Variants in AGFG2 observed in about 807,000 individuals in gnomAD.
The protein encoded by AGFG2 is arf-GAP domain and FG repeat-containing protein 2.
AGFG2 carries 31 observed loss-of-function variants against 48.0 expected under a neutral mutation model. The ratio of observed to expected loss-of-function variants is 0.65; its 90% CI spans 0.49 to 0.87. AGFG2 has a LOEUF of 0.87. Among genes scored for constraint, AGFG2 ranks in the 40% least tolerant of loss-of-function variants. The pLI is 0.00. For synonymous variants in AGFG2, 229 were observed against 260.8 expected (o/e 0.88, Z 1.18); for missense variants, 599 against 632.6 (o/e 0.95, Z 0.57).
intron 1 of AGFG2, 102 bp from the exon 2 acceptor site, chr7:100,548,720 A>C: frequency 1.2e-6 from 1 of 803,920 alleles, no homozygotes; most frequent in Non-Finnish European, 2.1e-6. Flanking sequence ...CTTAGTTTAT[A>C]TGCTATTCTT....
chr7:100,561,509 G>C (rs568927641), intron 6 of AGFG2, among the ~76,000 whole-genome samples: 1 of 152,350 alleles, frequency 6.6e-6, no homozygotes, highest in East Asian at 1.9e-4. Context: ...ATAGAGACGA[G>C]ACTTTGATGT....
chr7:100,548,944 A>T (rs1410469474), intron 2 of AGFG2, 29 bp downstream of exon 2: 1 of 1,575,772 alleles, frequency 6.3e-7, no homozygotes. Flanking sequence ...AGTGGTGAGA[A>T]GGTCACCTAT....
chr7:100,550,223 C>T (rs923106452), intron 2 of AGFG2, among the ~76,000 whole-genome samples, 173 bp from the exon 3 acceptor site: 1 of 145,268 alleles, frequency 6.9e-6, no homozygotes, highest in African/African-American at 2.6e-5. Context: ...AGGAGAATTG[C>T]TTGAACCCCG....
chr7:100,551,650 G>A (rs893595302), intron 3 of AGFG2, among the ~76,000 whole-genome samples: 1 of 151,558 alleles, frequency 6.6e-6, no homozygotes. Flanking sequence ...TTGGGAGGCT[G>A]AGGTGGGCAG....
chr7:100,563,912 T>A lies in AGFG2; in HGVS notation c.1250T>A (p.Phe417Tyr). The A allele has an allele frequency of 6.2e-7, 1 of 1,609,670 alleles. No homozygotes were observed. The highest frequency in any genetic ancestry group is 8.5e-7 in the Non-Finnish European group (1 of 1,179,984). ...VPPTGAFASS[F>Y]PAPLFPPQTP... ...CCCACTGGGGCCTTTGCCAGCTCCTTCCCAGCACCGCTGTTCCCCCCGCAG... is the reference window on the plus strand; with the variant it reads ...CCCACTGGGGCCTTTGCCAGCTCCTACCCAGCACCGCTGTTCCCCCCGCAG... Residue 417 changes from phenylalanine to tyrosine, a missense_variant, in exon 10 of 12, where the codon TTC (phenylalanine) becomes TAC (tyrosine). Transcript: ENST00000300176.
intron 1 of AGFG2, among the ~76,000 whole-genome samples, chr7:100,547,947 T>C (rs547108987): frequency 8.5e-4 from 130 of 152,352 alleles, no homozygotes; most frequent in South Asian, 3.7e-3. Context: ...CCAGCTGGGC[T>C]AGAGACTGTT....
intron 1 of AGFG2, among the ~76,000 whole-genome samples, chr7:100,541,649 G>C (rs1800423470): frequency 6.6e-6 from 1 of 151,828 alleles, no homozygotes. Flanking sequence ...TGTAATCCCA[G>C]CTACTTAGGA....
chr7:100,554,232 C>A lies in AGFG2; in HGVS notation c.725C>A (p.Ala242Asp). 6.2e-7 allele frequency: 1 copy of A among 1,613,726 alleles called. No individual in the cohort carries two copies. Among genetic ancestry groups the A allele is most frequent in the Non-Finnish European group, 8.5e-7 (1 of 1,179,780 alleles). ...DPFAAPQMAP[A>D]FAAFPAFGGQ... ...TTTGCTGCACCCCAGATGGCACCAG[C>A]TTTTGCTGCATTCCCTGCCTTTGGG... The change falls in exon 5 of 12, where the codon GCT becomes GAT. Residue 242 changes from alanine to aspartate, a missense_variant. Coordinates refer to ENST00000300176, the MANE Select transcript of AGFG2 (RefSeq NM_006076.5).
At chr7:100,555,124 C>T (rs1800730350) in intron 5 of AGFG2, among the ~76,000 whole-genome samples, 1 of 152,052 alleles carries the variant, frequency 6.6e-6, no homozygotes, top group South Asian at 2.1e-4. Flanking sequence ...TGGCCCCAGG[C>T]CCCACCCATT....
intron 6 of AGFG2, among the ~76,000 whole-genome samples, chr7:100,561,462 A>G (rs758169823): frequency 6.6e-6 from 1 of 152,158 alleles, no homozygotes; most frequent in Non-Finnish European, 1.5e-5. Flanking sequence ...CTCCTTTTAC[A>G]TTCACAGCAG....
rs748666008 is a variant in AGFG2, at chr7:100,563,888, C to T, written c.1226C>T (p.Pro409Leu). 7 of 1,610,660 alleles carry T rather than the reference C, an allele frequency of 4.3e-6. No homozygotes were observed. In the East Asian group the frequency reaches 1.3e-4, roughly 31 times the overall value. Residue 409 changes from proline (P) to leucine (L), a missense_variant, in exon 10 of 12, where the codon CCC (proline) becomes CTC (leucine). Coordinates refer to ENST00000300176, the MANE Select transcript of AGFG2 (RefSeq NM_006076.5). ...AGPGFPQAVP[P>L]TGAFASSFPA... ...CCTGGCTTCCCCCAGGCAGTGCCAC[C>T]CACTGGGGCCTTTGCCAGCTCCTTC... is the stretch of plus-strand genomic sequence containing the variant.
At chr7:100,554,961 A>T (rs1458784731) in intron 5 of AGFG2, among the ~76,000 whole-genome samples, 1 of 151,138 alleles carries the variant, frequency 6.6e-6, no homozygotes, top group Non-Finnish European at 1.5e-5. Flanking sequence ...AAAAAAAAAA[A>T]ATTCAAGCTC....
At position 100,553,251 on chromosome 7, in the gene AGFG2, C is replaced by T. The variant is rs903593545; in HGVS notation, c.432-96C>T. On this transcript the variant is annotated intron_variant, in intron 3 of 11. Coordinates refer to ENST00000300176, the MANE Select transcript of AGFG2 (RefSeq NM_006076.5). ...AAGGGAATCAGTAGAGAAAAATGAG[C>T]ATAGATTTTGACTCCTGTGTCTTCC... 2.6e-5 allele frequency: 38 copies of T among 1,449,118 alleles called. No homozygotes were observed. In the African/African-American group the frequency reaches 4.8e-4, roughly 18 times the overall value. The allele number at this position is 1,449,118 out of a possible 1,614,324, so 89.8% of individuals were successfully genotyped here. A position where few individuals can be genotyped will look rare whatever the true frequency, so the allele number is the denominator to read the frequency against.
intron 1 of AGFG2, among the ~76,000 whole-genome samples, chr7:100,547,525 G>A (rs1056518132): frequency 2.0e-5 from 3 of 152,078 alleles, no homozygotes; most frequent in Admixed American, 2.0e-4. Context: ...TCCAGTGAGG[G>A]TAGTAGACCT....
At chr7:100,561,271 C>T (rs1361215196) in intron 6 of AGFG2, among the ~76,000 whole-genome samples, 1 of 151,980 alleles carries the variant, frequency 6.6e-6, no homozygotes, top group Non-Finnish European at 1.5e-5. Flanking sequence ...GGATTACAAG[C>T]ACCTGCCACC....
intron 1 of AGFG2, among the ~76,000 whole-genome samples, chr7:100,546,550 C>A (rs921114107): frequency 1.3e-5 from 2 of 152,176 alleles, no homozygotes; most frequent in African/African-American, 4.8e-5. Flanking sequence ...TTCTTGTGAG[C>A]TCCTGGTGAT....
Position 100,566,782 on chromosome 7 carries a change from TTC to T in AGFG2, c.*1795_*1796del. ...TCCTGGCCTTTGCATGTTCCATCTC[TTC>T]TCTTTCTCCCCTCTTCGCCACCCTA... On this transcript the variant is annotated 3_prime_UTR_variant, in exon 12 of 12. Transcript: ENST00000300176. 6.6e-6 allele frequency: 1 copy of T among 152,506 alleles called. No homozygotes were observed. The highest frequency in any genetic ancestry group is 3.4e-3 in the Middle Eastern group (1 of 296). The allele number at this position is 152,506 out of a possible 1,614,324, so 9.4% of individuals were successfully genotyped here.
At chr7:100,556,587 C>G in intron 6 of AGFG2, 1 of 1,289,410 alleles carries the variant, frequency 7.8e-7, no homozygotes, top group Non-Finnish European at 1.0e-6. Context: ...TCCACCCTCA[C>G]TGCCAGCCAG....
Position 100,550,526 on chromosome 7 carries a change from A to G in AGFG2, c.431+15A>G, listed in dbSNP as rs1455538747. 5 of 1,581,430 alleles carry G rather than the reference A, an allele frequency of 3.2e-6. No homozygotes were observed. The South Asian group carries it at 5.6e-5, about 18-fold the overall frequency. ...AAGAAGAGATGGTAAGGAGTAGGAA[A>G]GAGGTTGCTATGGAAACGTGTTCAA... On this transcript the variant is annotated intron_variant, in intron 3 of 11. Coordinates refer to ENST00000300176, the MANE Select transcript of AGFG2 (RefSeq NM_006076.5).
Sources: gnomAD v4.1 joint callset for allele counts (sites outside exome capture counted in the v4.1 genomes callset) on GRCh38, gnomAD v4.1.1 for gene constraint, MANE v1.5 for transcripts, NCBI Gene and HGNC (gene_info 2026-07-23, HGNC 2026-07-21) for gene names.